The following GUCY2F variants were observed in gnomAD, a reference collection of about 807,000 sequenced individuals.
GUCY2F encodes the protein guanylate cyclase 2F, retinal.
A neutral mutation model predicts 73.1 loss-of-function variants in GUCY2F; 61 were observed. The ratio of observed to expected loss-of-function variants is 0.83; its 90% confidence interval spans 0.68 to 1.03. The LOEUF (loss-of-function observed/expected upper bound fraction) is 1.03. GUCY2F is among the 50% of genes least tolerant of loss of function. The pLI, the probability that GUCY2F is intolerant of heterozygous loss-of-function variation, is 0.00. For missense variants in GUCY2F, 912 were observed against 854.3 expected, an observed-to-expected ratio of 1.07 and a Z score of -0.84; for synonymous variants, 331 against 307.8, an observed-to-expected ratio of 1.08 and a Z score of -0.79.
chrX:109,406,091 G>A (rs1385967743), intron 9 of GUCY2F, among the ~76,000 whole-genome samples: 1 of 111,802 alleles, frequency 8.9e-6, no homozygotes, highest in Admixed American at 9.5e-5. Context: ...CATTGAGTAT[G>A]CAGATCAGCC....
chrX:109,384,884 T>C (rs1321226130), intron 16 of GUCY2F, among the ~76,000 whole-genome samples: 1 of 111,412 alleles, frequency 9.0e-6, no homozygotes, highest in African/African-American at 3.3e-5. Context: ...TTTTTTTCTT[T>C]ACCCAAAATA....
chrX:109,379,962 A>G (rs779613952), intron 17 of GUCY2F, among the ~76,000 whole-genome samples: 76 of 111,908 alleles, frequency 6.8e-4, no homozygotes, highest in African/African-American at 2.4e-3. Context: ...AACCCAGCCA[A>G]TTACTCAACT....
chrX:109,419,943 G>A (rs1165608845), intron 8 of GUCY2F, among the ~76,000 whole-genome samples: 1 of 110,010 alleles, frequency 9.1e-6, no homozygotes, highest in East Asian at 2.8e-4. Flanking sequence ...AACCAACGGA[G>A]TGTGATATTG....
At chrX:109,390,898 T>G (rs936816678) in intron 14 of GUCY2F, among the ~76,000 whole-genome samples, 6 of 112,572 alleles carry the variant, frequency 5.3e-5, no homozygotes, top group Non-Finnish European at 9.4e-5. Context: ...GCCCTGAGGC[T>G]CTCTATCTGA....
At chrX:109,390,865 C>A (rs1208007170) in intron 14 of GUCY2F, among the ~76,000 whole-genome samples, 1 of 112,545 alleles carries the variant, frequency 8.9e-6, no homozygotes, top group African/African-American at 3.2e-5. Context: ...TATTTCTGAG[C>A]CCTATTTAGG....
At chrX:109,440,770 C>G (rs965216176) in intron 7 of GUCY2F, among the ~76,000 whole-genome samples, 2 of 112,156 alleles carry the variant, frequency 1.8e-5, no homozygotes, top group Non-Finnish European at 1.9e-5. Flanking sequence ...TCAGGTGGTA[C>G]AGGGTGGCCT....
chrX:109,440,846 T>TA (rs1931850648), intron 7 of GUCY2F, among the ~76,000 whole-genome samples: 1 of 112,063 alleles, frequency 8.9e-6, no homozygotes, highest in Non-Finnish European at 1.9e-5. Context: ...CAGCAGAAAG[T>TA]AACCTGTTAC....
At chrX:109,401,087 G>A (rs1486444231) in intron 10 of GUCY2F, among the ~76,000 whole-genome samples, 1 of 111,888 alleles carries the variant, frequency 8.9e-6, no homozygotes, top group East Asian at 2.8e-4. Flanking sequence ...GTTGTTAATG[G>A]CTATAATGAG....
intron 2 of GUCY2F, among the ~76,000 whole-genome samples, chrX:109,473,654 G>A (rs2300111): frequency 8.9e-6 from 1 of 111,742 alleles, no homozygotes; most frequent in East Asian, 2.8e-4. Context: ...CTGCCTCAAA[G>A]GGGTTGTGGG....
chrX:109,427,756 A>G lies in GUCY2F; in HGVS notation c.1791+2551T>C, dbSNP rs747479034. 1.2e-4 allele frequency among the ~76,000 whole-genome samples: 13 copies of G among 112,248 alleles called. 1 individual carries two copies. The highest frequency in any genetic ancestry group is 1.9e-5 in the Non-Finnish European group (1 of 53,308). ...TCCTGGCTTTCTAAGTTTGAGTTAC[A>G]CTCTATACCTGACATGGCCACCCAA... On this transcript the variant is annotated intron_variant, in intron 8 of 19. Coordinates refer to ENST00000218006, the MANE Select transcript of GUCY2F (RefSeq NM_001522.3).
At chrX:109,433,226 C>T (rs992376466) in intron 7 of GUCY2F, among the ~76,000 whole-genome samples, 2 of 112,404 alleles carry the variant, frequency 1.8e-5, no homozygotes, top group Admixed American at 9.4e-5. Flanking sequence ...CAAACATGGG[C>T]TAGCCTTCTG....
In GUCY2F at chrX:109,404,377, G is replaced by A. The variant is rs749119684; in HGVS notation, c.2076C>T (p.Asn692=). ...FVLKVTDYGF[N]DILEMLRLSE... The stretch of plus-strand genomic sequence containing the variant: ...AGAGTCTCAGCATTTCTAAGATGTC[G>A]TTAAAGCCATAATCTGTCACTTTTA... The change falls in exon 10 of 20, where the codon AAC becomes AAT. Residue 692 remains asparagine (N), a synonymous_variant. Transcript: ENST00000218006. The A allele has an allele frequency of 9.2e-6, 11 of 1,195,385 alleles. No homozygotes were observed. The highest frequency in any genetic ancestry group is 1.2e-5 in the Non-Finnish European group (11 of 880,995).
intron 3 of GUCY2F, among the ~76,000 whole-genome samples, chrX:109,460,856 T>C (rs1932349822): frequency 8.9e-6 from 1 of 111,996 alleles, no homozygotes; most frequent in Non-Finnish European, 1.9e-5. Flanking sequence ...TTACTATGCA[T>C]AAAATTGTTT....
chrX:109,454,087 AT>A (rs1421878982), intron 3 of GUCY2F, among the ~76,000 whole-genome samples: 1 of 111,514 alleles, frequency 9.0e-6, no homozygotes, highest in Non-Finnish European at 1.9e-5. Flanking sequence ...AAATATGACA[AT>A]TTTATGAGCA....
intron 8 of GUCY2F, among the ~76,000 whole-genome samples, chrX:109,425,066 T>A (rs760129849): frequency 8.9e-6 from 1 of 111,804 alleles, no homozygotes; most frequent in African/African-American, 3.2e-5. Flanking sequence ...CATGCCCAGC[T>A]GAACAGGGAA....
intron 19 of GUCY2F, among the ~76,000 whole-genome samples, chrX:109,373,920 C>G (rs765716804): frequency 1.8e-5 from 2 of 111,695 alleles, no homozygotes; most frequent in Non-Finnish European, 3.8e-5. Flanking sequence ...GAGGCAGCCC[C>G]TGTAATCACT....
At chrX:109,412,299 C>T (rs184330764) in intron 8 of GUCY2F, among the ~76,000 whole-genome samples, 4 of 111,405 alleles carry the variant, frequency 3.6e-5, no homozygotes, top group East Asian at 2.8e-4. Flanking sequence ...GAACACGGAA[C>T]GGATGGTGGG....
At chrX:109,450,325 C>G (rs1276707551) in intron 5 of GUCY2F, among the ~76,000 whole-genome samples, 1 of 111,308 alleles carries the variant, frequency 9.0e-6, no homozygotes. Context: ...CCTTCCTTTT[C>G]CAAGAATTGC....
At chrX:109,396,353 A>C (rs1329761940) in intron 11 of GUCY2F, among the ~76,000 whole-genome samples, 1 of 110,950 alleles carries the variant, frequency 9.0e-6, no homozygotes, top group Non-Finnish European at 1.9e-5. Context: ...CAGCAGGAAA[A>C]AAAAAAAAAT....
Sources: gnomAD v4.1 joint callset for allele counts (sites outside exome capture counted in the v4.1 genomes callset) on GRCh38, gnomAD v4.1.1 for gene constraint, MANE v1.5 for transcripts, NCBI Gene and HGNC (gene_info 2026-07-23, HGNC 2026-07-21) for gene names.